Variants in MACF1 observed in about 807,000 individuals in gnomAD.
MACF1 encodes the protein microtubule-actin cross-linking factor 1.
Under a neutral mutation model 854.8 loss-of-function variants are expected in MACF1, and 193 were observed. The observed-to-expected ratio is 0.23, with a 90% confidence interval of 0.20 to 0.25. The LOEUF is 0.25. Ranked by LOEUF, MACF1 falls within the 10% of genes least tolerant of loss-of-function variation. The pLI is 1.00. For synonymous variants in MACF1, 3,185 were observed against 3,226.7 expected (o/e 0.99, Z 0.44); for missense variants, 7,722 against 8,929.1 (o/e 0.86, Z 5.45).
intron 2 of MACF1, among the ~76,000 whole-genome samples, chr1:39,198,405 C>A (rs1055336570): frequency 5.3e-5 from 8 of 151,864 alleles, no homozygotes; most frequent in Non-Finnish European, 7.4e-5. Context: ...GTAATCCCAG[C>A]ACTTTGGGAG....
intron 99 of MACF1, among the ~76,000 whole-genome samples, chr1:39,481,321 A>T (rs1645007529): frequency 6.6e-6 from 1 of 152,224 alleles, no homozygotes; most frequent in Non-Finnish European, 1.5e-5. Flanking sequence ...TTGTTTATTG[A>T]TGTCATTTAT....
chr1:39,460,781 C>G lies in MACF1; in HGVS notation c.21510C>G (p.Gly7170=). 6.2e-7 allele frequency: 1 copy of G among 1,614,172 alleles called. No individual in the cohort carries two copies. ...TAACACGTCAGGAGTTTATCGATGG[C>G]ATTTTAGCATCCAGTGAGTCTAGTC... is the stretch of plus-strand genomic sequence containing the variant. ...GKITRQEFID[G]ILASKFPTTK... is the part of the protein sequence containing the mutation. Residue 7170 remains glycine (G), a synonymous_variant, in exon 92 of 101, where the codon GGC becomes GGG. Coordinates refer to ENST00000564288, the MANE Select transcript of MACF1 (RefSeq NM_001394062.1). The surrounding 1 kb of genome is among the most constrained non-coding windows in gnomAD (Gnocchi z 4.1).
intron 49 of MACF1, among the ~76,000 whole-genome samples, chr1:39,363,586 C>CTCTTTCTTTCTTTCTTTCTT (rs145803766): frequency 8.8e-4 from 126 of 143,318 alleles, no homozygotes; most frequent in Non-Finnish European, 1.7e-3. Context: ...ATCAACAAGA[C>CTCTTTCTTTCTTTCTTTCTT]TCTTTCTTTC....
At chr1:39,343,029 C>G (rs1275562520) in intron 40 of MACF1, among the ~76,000 whole-genome samples, 5 of 152,036 alleles carry the variant, frequency 3.3e-5, no homozygotes, top group Non-Finnish European at 7.4e-5. Flanking sequence ...GTTTGTTGAC[C>G]CCCCTGCTCT....
chr1:39,447,701 A>G lies in MACF1; in HGVS notation c.19771A>G (p.Asn6591Asp). Residue 6591 changes from asparagine (N) to aspartate (D), a missense_variant, in exon 82 of 101, where the codon AAT becomes GAT. Physicochemically the swap from Asn to Asp is conservative, Grantham distance 23. This residue lies in a region of MACF1 where 729 missense variants were observed against 900.5 expected (regional missense o/e 0.81). Coordinates refer to ENST00000564288, the MANE Select transcript of MACF1 (RefSeq NM_001394062.1). Reference sequence around the variant, plus strand: ...ACTATTGTTCCCTCAGGTTTTTGCTAATGAAGTAAATGCTCATCGAGACCA... The same window carrying G: ...ACTATTGTTCCCTCAGGTTTTTGCTGATGAAGTAAATGCTCATCGAGACCA... ...SQIEEHKVFANEVNAHRDQII... is the reference protein window; with the variant it reads ...SQIEEHKVFADEVNAHRDQII... 1 of 1,614,166 alleles carries G rather than the reference A, an allele frequency of 6.2e-7. No individual in the cohort carries two copies. The highest frequency in any genetic ancestry group is 8.5e-7 in the Non-Finnish European group (1 of 1,180,018).
intron 97 of MACF1, among the ~76,000 whole-genome samples, chr1:39,471,634 G>A (rs1644779101): frequency 2.0e-5 from 3 of 152,114 alleles, no homozygotes; most frequent in Non-Finnish European, 4.4e-5. Flanking sequence ...GAATGTATCC[G>A]TGGCACAGGA....
intron 2 of MACF1, among the ~76,000 whole-genome samples, chr1:39,144,144 G>A (rs564480217): frequency 1.2e-4 from 17 of 142,670 alleles, no homozygotes; most frequent in South Asian, 9.3e-4. Flanking sequence ...GCAATGGCAC[G>A]ATCTCGGCTC....
intron 47 of MACF1, 68 bp downstream of exon 47, chr1:39,359,332 T>C (rs1042184945): frequency 2.1e-5 from 32 of 1,545,822 alleles, no homozygotes; most frequent in Non-Finnish European, 2.5e-5. Context: ...CTGCAATATG[T>C]CACATTGTGT....
intron 2 of MACF1, among the ~76,000 whole-genome samples, chr1:39,143,113 G>A (rs1284774225): frequency 6.6e-6 from 1 of 152,136 alleles, no homozygotes; most frequent in Non-Finnish European, 1.5e-5. Flanking sequence ...GGCAGATCAG[G>A]CTGATTGTGG....
intron 2 of MACF1, among the ~76,000 whole-genome samples, chr1:39,182,540 A>C (rs1644118504): frequency 6.6e-6 from 1 of 152,208 alleles, no homozygotes; most frequent in Non-Finnish European, 1.5e-5. Context: ...AAAAATGGGC[A>C]AAGGATTTAT....
At chr1:39,397,476 T>C (rs904991907) in intron 58 of MACF1, among the ~76,000 whole-genome samples, 1 of 151,764 alleles carries the variant, frequency 6.6e-6, no homozygotes, top group African/African-American at 2.4e-5. Context: ...GCAGGAGAAT[T>C]GCTTGAACCC....
rs1643680385 is a variant in MACF1 at position 39,425,043 on chromosome 1, T to TGTCAA, written c.16316+851_16316+852insCAAGT. The stretch of plus-strand genomic sequence containing the variant: ...CAAAATGGAAAGAATTTAACTTACT[T>TGTCAA]GTATTTCCAGATTTGTACTGCTTAT... On this transcript the variant is annotated intron_variant, in intron 61 of 100. Coordinates refer to ENST00000564288, the MANE Select transcript of MACF1 (RefSeq NM_001394062.1). Among the ~76,000 whole-genome samples, 4 of 152,242 alleles carry TGTCAA rather than the reference T, an allele frequency of 2.6e-5. No individual in the cohort carries two copies. In the South Asian group the frequency reaches 8.3e-4, roughly 31 times the overall value.
At chr1:39,266,719 CT>C (rs1281138242) in intron 6 of MACF1, among the ~76,000 whole-genome samples, 1 of 148,836 alleles carries the variant, frequency 6.7e-6, no homozygotes, top group Non-Finnish European at 1.5e-5. Context: ...GGCCTGGATC[CT>C]TTTGTTGTAG....
intron 2 of MACF1, among the ~76,000 whole-genome samples, chr1:39,121,549 A>G (rs1304301043): frequency 6.6e-6 from 1 of 152,080 alleles, no homozygotes; most frequent in South Asian, 2.1e-4. Flanking sequence ...CCCGGGTTCA[A>G]GTGATTCTTG....
chr1:39,443,351 C>G, intron 78 of MACF1, 95 bp from the exon 79 acceptor site: 1 of 1,381,106 alleles, frequency 7.2e-7, no homozygotes, highest in Non-Finnish European at 9.7e-7. Flanking sequence ...CCGAAAATTC[C>G]TTCCTCAAGA....
rs780839106 is a variant in MACF1 at position 39,430,914 on chromosome 1, G to C, written c.17337+6G>C. ...CTATTCAGAGATCACAACAGGTAAT[G>C]CTTATAATACCTCTGCATTAATATT... is the stretch of plus-strand genomic sequence containing the variant. On this transcript the variant is annotated splice_donor_region_variant and intron_variant, in intron 66 of 100. Coordinates refer to ENST00000564288, the MANE Select transcript of MACF1 (RefSeq NM_001394062.1). 5.0e-6 allele frequency: 8 copies of C among 1,605,438 alleles called. No individual in the cohort carries two copies. The highest frequency in any genetic ancestry group is 6.0e-6 in the Non-Finnish European group (7 of 1,173,942).
At chr1:39,307,247 A>G (rs896977257) in intron 23 of MACF1, among the ~76,000 whole-genome samples, 1 of 148,034 alleles carries the variant, frequency 6.8e-6, no homozygotes, top group Non-Finnish European at 1.5e-5. Context: ...TCTTGTTTAG[A>G]TGTATAGTGC....
At chr1:39,189,765 T>C (rs547642641) in intron 2 of MACF1, among the ~76,000 whole-genome samples, 64 of 152,356 alleles carry the variant, frequency 4.2e-4, no homozygotes, top group Non-Finnish European at 7.1e-4. Flanking sequence ...TGAGTTCTTA[T>C]AGTCTTGCCC....
intron 6 of MACF1, among the ~76,000 whole-genome samples, chr1:39,272,327 A>T (rs1259048121): frequency 1.3e-5 from 2 of 152,226 alleles, no homozygotes; most frequent in African/African-American, 2.4e-5. Flanking sequence ...CACAGGCTTG[A>T]GGACAGTAGC....
Sources: allele counts gnomAD v4.1 joint callset (sites outside exome capture counted in the v4.1 genomes callset), GRCh38; gene constraint gnomAD v4.1.1; regional missense constraint gnomAD v4.1.1; non-coding constraint Gnocchi (gnomAD v3.1); transcripts MANE v1.5; gene names NCBI Gene and HGNC (gene_info 2026-07-23, HGNC 2026-07-21).